SAMSN1: variants seen among roughly 807,000 people sequenced by gnomAD.
SAMSN1 encodes SAM domain-containing protein SAMSN-1.
In SAMSN1, 31 loss-of-function variants were observed where a neutral mutation model predicts 42.0. The ratio of observed to expected loss-of-function variants is 0.74; its 90% CI spans 0.55 to 1.00. SAMSN1 has a LOEUF of 1.00. SAMSN1 is among the 50% of genes least tolerant of loss of function. The pLI, the probability that SAMSN1 is intolerant of heterozygous loss-of-function variation, is 0.00. For synonymous variants in SAMSN1, 178 were observed against 151.9 expected (o/e 1.17, Z -1.26); for missense variants, 464 against 439.4 (o/e 1.06, Z -0.50).
At chr21:14,550,123 T>C (rs1980551256), upstream of SAMSN1, among the ~76,000 whole-genome samples, 2 of 152,094 alleles carry the variant, frequency 1.3e-5, no homozygotes, top group African/African-American at 4.8e-5. Flanking sequence ...CAACACCTCC[T>C]TGTTTGGATT....
rs767913661 is a variant in SAMSN1, at chr21:14,510,397, G to C, written c.474C>G (p.Gly158=). 6.2e-7 allele frequency: 1 copy of C among 1,614,064 alleles called. No homozygotes were observed. The highest frequency in any genetic ancestry group is 1.1e-5 in the South Asian group (1 of 91,082). ...NRDSFRLDDD[G]PYSGPFCGRA... is the part of the protein sequence containing the mutation. Reference sequence around the variant, plus strand: ...GGCCACAGAATGGTCCTGAATAGGGGCCATCGTCATCCAGTCGAAAGCTGT... The same window carrying C: ...GGCCACAGAATGGTCCTGAATAGGGCCCATCGTCATCCAGTCGAAAGCTGT... The change falls in exon 5 of 8, where the codon GGC becomes GGG. Residue 158 remains glycine (G), a synonymous_variant. Transcript: ENST00000400566.
intron 2 of SAMSN1, among the ~76,000 whole-genome samples, chr21:14,636,004 C>T (rs1044890695): frequency 2.6e-5 from 4 of 152,048 alleles, no homozygotes; most frequent in Non-Finnish European, 4.4e-5. Flanking sequence ...TGTTCCCTGC[C>T]CTGTGTCCAA....
intron 2 of SAMSN1, among the ~76,000 whole-genome samples, chr21:14,520,737 G>T (rs979916179): frequency 5.3e-5 from 8 of 152,158 alleles, no homozygotes; most frequent in African/African-American, 1.9e-4. Flanking sequence ...TGCACTGGGG[G>T]AAGGGGACGG....
At chr21:14,588,157 T>A (rs1396360862), upstream of SAMSN1, among the ~76,000 whole-genome samples, 1 of 133,988 alleles carries the variant, frequency 7.5e-6, no homozygotes, top group Non-Finnish European at 1.6e-5. Flanking sequence ...TGTTGGACAT[T>A]TGGGTTGGTT....
intron 5 of SAMSN1, among the ~76,000 whole-genome samples, chr21:14,606,079 A>G (rs1462768707): frequency 2.0e-5 from 3 of 152,030 alleles, no homozygotes; most frequent in East Asian, 1.9e-4. Context: ...TGACCTCATG[A>G]TCCGCCCGCC....
intron 2 of SAMSN1, among the ~76,000 whole-genome samples, chr21:14,623,163 A>G (rs1420235006): frequency 6.6e-6 from 1 of 152,236 alleles, no homozygotes; most frequent in East Asian, 1.9e-4. Flanking sequence ...CACTGCAAAA[A>G]CATGACAAAT....
At chr21:14,554,810 C>G (rs1236592632) in intron 2 of SAMSN1, among the ~76,000 whole-genome samples, 1 of 151,118 alleles carries the variant, frequency 6.6e-6, no homozygotes, top group Non-Finnish European at 1.5e-5. Flanking sequence ...GCAATCCTCT[C>G]ACCTCAGTCT....
At chr21:14,551,069 C>A (rs1401129900), upstream of SAMSN1, among the ~76,000 whole-genome samples, 1 of 152,040 alleles carries the variant, frequency 6.6e-6, no homozygotes, top group African/African-American at 2.4e-5. Flanking sequence ...AATTTAAATA[C>A]TGCCAAAGTG....
chr21:14,526,062 T>C (rs1978834998), intron 1 of SAMSN1, among the ~76,000 whole-genome samples: 1 of 152,100 alleles, frequency 6.6e-6, no homozygotes, highest in African/African-American at 2.4e-5. Context: ...GAGACAGGGT[T>C]TGACCGTGTT....
intron 2 of SAMSN1, among the ~76,000 whole-genome samples, chr21:14,638,586 C>A (rs1013850853): frequency 6.6e-6 from 1 of 152,102 alleles, no homozygotes; most frequent in Non-Finnish European, 1.5e-5. Flanking sequence ...ATTTTTAGCT[C>A]GTGCATGATA....
intron 7 of SAMSN1, among the ~76,000 whole-genome samples, chr21:14,591,129 G>C (rs456739): frequency 6.6e-6 from 1 of 152,064 alleles, no homozygotes; most frequent in Non-Finnish European, 1.5e-5. Flanking sequence ...TTAGATATTC[G>C]TATATCATTA....
At chr21:14,540,248 T>C (rs1238319601) in intron 1 of SAMSN1, among the ~76,000 whole-genome samples, 2 of 152,138 alleles carry the variant, frequency 1.3e-5, no homozygotes, top group African/African-American at 4.8e-5. Context: ...ACTTCATGTC[T>C]AAAACACCAA....
intron 2 of SAMSN1, among the ~76,000 whole-genome samples, chr21:14,620,509 T>G (rs934513270): frequency 4.6e-5 from 7 of 152,244 alleles, no homozygotes; most frequent in African/African-American, 1.7e-4. Flanking sequence ...GATTGCCCAG[T>G]TCTGGATATT....
chr21:14,524,531 A>G (rs1007020412), intron 1 of SAMSN1, among the ~76,000 whole-genome samples: 1 of 152,188 alleles, frequency 6.6e-6, no homozygotes, highest in Non-Finnish European at 1.5e-5. Context: ...AAATGGCACA[A>G]TACCTATAAA....
intron 7 of SAMSN1, chr21:14,592,348 A>T (rs1757842726): frequency 3.3e-5 from 5 of 152,636 alleles, no homozygotes; most frequent in Admixed American, 3.3e-4. Context: ...ATGGAAAATT[A>T]CACAGTAAAA....
chr21:14,570,181 C>G (rs550393318), intron 2 of SAMSN1, among the ~76,000 whole-genome samples: 5 of 152,244 alleles, frequency 3.3e-5, no homozygotes, highest in South Asian at 4.1e-4. Flanking sequence ...CATTAAATCT[C>G]TCCACAGGGA....
chr21:14,614,945 T>C (rs950970774), intron 3 of SAMSN1, among the ~76,000 whole-genome samples: 43 of 152,234 alleles, frequency 2.8e-4, no homozygotes, highest in African/African-American at 9.9e-4. Flanking sequence ...CATCAGACAC[T>C]TTCCCTTTAA....
intron 2 of SAMSN1, among the ~76,000 whole-genome samples, chr21:14,635,255 G>A (rs369635387): frequency 2.6e-5 from 4 of 151,932 alleles, no homozygotes; most frequent in African/African-American, 9.7e-5. Flanking sequence ...TTAGATGATG[G>A]GTTGATAGGT....
chr21:14,652,724 T>C (rs1983856317), intron 1 of SAMSN1, among the ~76,000 whole-genome samples: 1 of 151,868 alleles, frequency 6.6e-6, no homozygotes, highest in Admixed American at 6.6e-5. Flanking sequence ...CAGAAAAAGA[T>C]ATAATCAACA....
Sources: allele counts gnomAD v4.1 joint callset (sites outside exome capture counted in the v4.1 genomes callset), GRCh38; gene constraint gnomAD v4.1.1; transcripts MANE v1.5; gene names NCBI Gene and HGNC (gene_info 2026-07-23, HGNC 2026-07-21).